Variants in CPQ observed in about 807,000 individuals in gnomAD.
The protein encoded by CPQ is carboxypeptidase Q.
Under a neutral mutation model 45.7 loss-of-function variants are expected in CPQ, and 37 were observed. That is an observed-to-expected ratio of 0.81 (90% CI 0.62 to 1.07). The LOEUF is 1.07. CPQ is among the 50% of genes least tolerant of loss of function. The pLI, the probability that CPQ is intolerant of heterozygous loss-of-function variation, is 0.00. For synonymous variants in CPQ, 186 were observed against 205.8 expected (o/e 0.90, Z 0.82); for missense variants, 537 against 572.9 (o/e 0.94, Z 0.64).
chr8:97,075,484 C>T (rs965735001), intron 7 of CPQ, among the ~76,000 whole-genome samples: 1 of 152,130 alleles, frequency 6.6e-6, no homozygotes, highest in Non-Finnish European at 1.5e-5. Flanking sequence ...CCCTTCTCTC[C>T]TGGAGCTCAC....
At position 97,066,087 on chromosome 8, in the gene CPQ, A is replaced by C; in HGVS notation, c.1132A>C (p.Ser378Arg). The change falls in exon 7 of 8, where the codon AGT (serine) becomes CGT (arginine). Residue 378 changes from serine to arginine, a missense_variant. Transcript: ENST00000220763. The stretch of plus-strand genomic sequence containing the variant: ...ACCCACTGGGCTGCAATTCACTGGC[A>C]GTGAAAAGGCCAGGGCCATCATGGA... ...FLPTGLQFTGSEKARAIMEEV... is the reference protein window; with the variant it reads ...FLPTGLQFTGREKARAIMEEV... 6.2e-7 allele frequency: 1 copy of C among 1,612,342 alleles called. No homozygotes were observed. The highest frequency in any genetic ancestry group is 8.5e-7 in the Non-Finnish European group (1 of 1,179,534).
chr8:97,024,018 T>C (rs1054886615), intron 5 of CPQ, among the ~76,000 whole-genome samples: 4 of 152,220 alleles, frequency 2.6e-5, no homozygotes, highest in Non-Finnish European at 5.9e-5. Flanking sequence ...CATTGTTCCC[T>C]AAATCATAAC....
In CPQ at chr8:96,789,887, GTGT is replaced by G. The variant is rs1810824597; in HGVS notation, c.433+4562_433+4564del. ...GGAAATGTTTTCAAGTCTGACCCAT[GTGT>G]TGTTTTGATTGTTCCTGAGTAGGTA... On this transcript the variant is annotated intron_variant, in intron 2 of 7. Coordinates refer to ENST00000220763, the MANE Select transcript of CPQ (RefSeq NM_016134.4). 6.6e-5 allele frequency among the ~76,000 whole-genome samples: 10 copies of G among 152,240 alleles called. No homozygotes were observed. In the South Asian group the frequency reaches 2.1e-3, roughly 32 times the overall value.
At chr8:96,824,622 C>A (rs1811353736) in intron 2 of CPQ, among the ~76,000 whole-genome samples, 1 of 151,900 alleles carries the variant, frequency 6.6e-6, no homozygotes, top group Non-Finnish European at 1.5e-5. Context: ...TCGGGGATTA[C>A]AAATGGTCCA....
chr8:97,073,372 C>A (rs1229197756), intron 7 of CPQ, among the ~76,000 whole-genome samples: 1 of 152,254 alleles, frequency 6.6e-6, no homozygotes, highest in Non-Finnish European at 1.5e-5. Context: ...ACCCAGGACT[C>A]CTGCGTTTTC....
At chr8:96,992,574 G>A (rs953838344) in intron 5 of CPQ, among the ~76,000 whole-genome samples, 12 of 152,240 alleles carry the variant, frequency 7.9e-5, no homozygotes, top group African/African-American at 2.9e-4. Flanking sequence ...CAGATAAGGT[G>A]TCTCTCCTTA....
chr8:96,967,672 T>C (rs1418821701), intron 5 of CPQ, among the ~76,000 whole-genome samples: 1 of 152,210 alleles, frequency 6.6e-6, no homozygotes, highest in Non-Finnish European at 1.5e-5. Context: ...AAAAGATTTC[T>C]GAAAGTCTAT....
chr8:97,021,448 G>T (rs933786831), intron 5 of CPQ, among the ~76,000 whole-genome samples: 3 of 152,010 alleles, frequency 2.0e-5, no homozygotes, highest in African/African-American at 7.2e-5. Flanking sequence ...ATGATTGTTT[G>T]CCTAGAAAAC....
chr8:97,129,193 G>A (rs1340271123), intron 7 of CPQ, among the ~76,000 whole-genome samples: 1 of 152,160 alleles, frequency 6.6e-6, no homozygotes, highest in African/African-American at 2.4e-5. Flanking sequence ...AAGAAAAGAT[G>A]GGTGCTGATG....
At chr8:96,885,972 T>C (rs1416475616) in intron 4 of CPQ, among the ~76,000 whole-genome samples, 3 of 129,640 alleles carry the variant, frequency 2.3e-5, no homozygotes, top group African/African-American at 8.4e-5. Flanking sequence ...TGGGACTCCA[T>C]CTCAACAGAA....
intron 5 of CPQ, among the ~76,000 whole-genome samples, chr8:96,984,207 T>C (rs1813961427): frequency 6.6e-6 from 1 of 152,174 alleles, no homozygotes; most frequent in African/African-American, 2.4e-5. Flanking sequence ...CCTTCCATCA[T>C]ATATATTATT....
At chr8:96,934,242 GAGAAACACACAACA>G (rs1214757855) in intron 4 of CPQ, among the ~76,000 whole-genome samples, 1 of 152,184 alleles carries the variant, frequency 6.6e-6, no homozygotes, top group Admixed American at 6.5e-5. Context: ...TTTTAAGTGA[GAGAAACACACAACA>G]AGCCTAGGAT....
intron 4 of CPQ, among the ~76,000 whole-genome samples, chr8:96,898,380 G>A (rs150445760): frequency 6.6e-6 from 1 of 152,072 alleles, no homozygotes; most frequent in Non-Finnish European, 1.5e-5. Flanking sequence ...TAGTCCTGGG[G>A]ACAATTCTTT....
chr8:96,840,919 G>A (rs935803922), intron 3 of CPQ, among the ~76,000 whole-genome samples: 2 of 152,152 alleles, frequency 1.3e-5, no homozygotes, highest in African/African-American at 2.4e-5. Context: ...ACCAGATTTG[G>A]TGATATATCT....
At chr8:96,695,893 G>A (rs1202282508) in intron 1 of CPQ, among the ~76,000 whole-genome samples, 59 of 149,762 alleles carry the variant, frequency 3.9e-4, no homozygotes, top group Admixed American at 8.6e-4. Context: ...CGATTCCTCA[G>A]GGATCTAGAA....
At chr8:97,131,522 G>T (rs1285275525) in intron 7 of CPQ, among the ~76,000 whole-genome samples, 1 of 152,064 alleles carries the variant, frequency 6.6e-6, no homozygotes, top group Non-Finnish European at 1.5e-5. Flanking sequence ...AGAGTTTCTT[G>T]TGACCTTGAC....
At chr8:96,662,914 G>A (rs1054544971) in intron 1 of CPQ, among the ~76,000 whole-genome samples, 3 of 152,188 alleles carry the variant, frequency 2.0e-5, no homozygotes, top group African/African-American at 7.2e-5. Context: ...CCTGAGCCCT[G>A]TAAGGGTGAG....
At chr8:96,855,535 C>T (rs945475990) in intron 3 of CPQ, among the ~76,000 whole-genome samples, 2 of 152,160 alleles carry the variant, frequency 1.3e-5, no homozygotes, top group Admixed American at 1.3e-4. Context: ...GGTCTTAATT[C>T]AAATATCACT....
At chr8:97,013,437 C>T (rs980626817) in intron 5 of CPQ, among the ~76,000 whole-genome samples, 2 of 152,108 alleles carry the variant, frequency 1.3e-5, no homozygotes, top group Non-Finnish European at 2.9e-5. Flanking sequence ...TTAACAAATA[C>T]GTATAGGGCT....
Sources: gnomAD v4.1 joint callset for allele counts (sites outside exome capture counted in the v4.1 genomes callset) on GRCh38, gnomAD v4.1.1 for gene constraint, MANE v1.5 for transcripts, NCBI Gene and HGNC (gene_info 2026-07-23, HGNC 2026-07-21) for gene names.